KIFAP3: variants seen among roughly 807,000 people sequenced by gnomAD.
KIFAP3 encodes the protein kinesin associated protein 3.
KIFAP3 carries 68 observed loss-of-function variants against 106.5 expected under a neutral mutation model. That is an observed-to-expected ratio of 0.64 (90% CI 0.53 to 0.78). The LOEUF (loss-of-function observed/expected upper bound fraction) is 0.78. Among genes scored for constraint, KIFAP3 ranks in the 30% least tolerant of loss-of-function variants. The probability of loss-of-function intolerance (pLI) is 0.00; values close to 1 mark genes in which losing one functional copy is unlikely to be tolerated. For synonymous variants in KIFAP3, 320 were observed against 311.5 expected (o/e 1.03, Z -0.29); for missense variants, 780 against 941.8 (o/e 0.83, Z 2.25).
At chr1:170,079,765 A>G (rs1449746129) in intron 1 of KIFAP3, among the ~76,000 whole-genome samples, 1 of 151,416 alleles carries the variant, frequency 6.6e-6, no homozygotes, top group East Asian at 1.9e-4. Flanking sequence ...GTGGTTCCAT[A>G]TGGACTTCAG....
chr1:169,943,641 G>T (rs1365252725), intron 19 of KIFAP3, among the ~76,000 whole-genome samples: 1 of 151,986 alleles, frequency 6.6e-6, no homozygotes, highest in African/African-American at 2.4e-5. Flanking sequence ...AATCATTTTT[G>T]TTTTTTACAA....
intron 3 of KIFAP3, among the ~76,000 whole-genome samples, chr1:170,045,610 T>C (rs866669637): frequency 3.3e-5 from 5 of 152,376 alleles, no homozygotes; most frequent in African/African-American, 1.2e-4. Context: ...AAAGAAACTA[T>C]AGTATACCTG....
chr1:170,076,121 A>G (rs1356727704), upstream of KIFAP3, among the ~76,000 whole-genome samples: 1 of 152,200 alleles, frequency 6.6e-6, no homozygotes, highest in African/African-American at 2.4e-5. Flanking sequence ...AGCTCAGAGA[A>G]CTTATTTCGT....
At chr1:170,015,645 C>T (rs1668468596) in intron 10 of KIFAP3, among the ~76,000 whole-genome samples, 1 of 152,072 alleles carries the variant, frequency 6.6e-6, no homozygotes, top group Admixed American at 6.6e-5. Flanking sequence ...GCAGGTAAAA[C>T]AGGTAGACAG....
intron 3 of KIFAP3, 64 bp downstream of exon 3, chr1:170,046,648 C>T: frequency 2.4e-6 from 3 of 1,270,672 alleles, no homozygotes; most frequent in Admixed American, 2.9e-5. Context: ...TTTATAGTTG[C>T]TTGATGAACT....
At chr1:170,027,014 CTTTTTTT>C (rs71125222) in intron 8 of KIFAP3, among the ~76,000 whole-genome samples, 2 of 64,388 alleles carry the variant, frequency 3.1e-5, no homozygotes, top group South Asian at 5.9e-4. Flanking sequence ...TGTCTTGCTT[CTTTTTTT>C]TTTTTTTTTT....
intron 15 of KIFAP3, 146 bp from the exon 16 acceptor site, chr1:169,978,329 A>C (rs1666335234): frequency 1.8e-6 from 1 of 563,382 alleles, no homozygotes; most frequent in Non-Finnish European, 3.1e-6. Context: ...TATGTTCCTA[A>C]TGTAAAATAG....
rs924445921 is a variant in KIFAP3 at position 169,941,677 on chromosome 1, A to G, written c.2273+12334T>C. 3.9e-5 allele frequency among the ~76,000 whole-genome samples: 6 copies of G among 152,286 alleles called. No homozygotes were observed. In the East Asian group the frequency reaches 1.2e-3, roughly 29 times the overall value. ...AATATACAATAAAATATATTTATCA[A>G]TGACTATCACCCAAGATGGCCCCCT... On this transcript the variant is annotated intron_variant, in intron 19 of 19. Coordinates refer to ENST00000361580, the MANE Select transcript of KIFAP3 (RefSeq NM_014970.4).
chr1:169,992,096 A>G, intron 11 of KIFAP3, 59 bp downstream of exon 11: 4 of 761,242 alleles, frequency 5.3e-6, no homozygotes, highest in Middle Eastern at 4.2e-4. Context: ...ATCAAGAGAA[A>G]AGAGTAAAAA....
intron 17 of KIFAP3, among the ~76,000 whole-genome samples, chr1:169,965,802 T>C (rs1034505056): frequency 5.3e-5 from 8 of 151,934 alleles, no homozygotes; most frequent in African/African-American, 1.7e-4. Context: ...TAAAAAGAGA[T>C]TATCAAATCT....
chr1:170,016,138 TG>T (rs1472406416), intron 10 of KIFAP3, among the ~76,000 whole-genome samples: 2 of 152,216 alleles, frequency 1.3e-5, no homozygotes, highest in African/African-American at 2.4e-5. Context: ...ATACCTGCGT[TG>T]TTTTTTTTAA....
chr1:169,991,257 G>A (rs1667087930), intron 11 of KIFAP3, among the ~76,000 whole-genome samples: 3 of 152,002 alleles, frequency 2.0e-5, no homozygotes, highest in South Asian at 2.1e-4. Context: ...TGAGGCAGGA[G>A]GATTGCTTGA....
chr1:170,013,522 T>C (rs1165490741), intron 10 of KIFAP3, among the ~76,000 whole-genome samples: 1 of 150,550 alleles, frequency 6.6e-6, no homozygotes, highest in Admixed American at 6.6e-5. Flanking sequence ...ATGTATATTT[T>C]AGGTAATTGC....
At chr1:170,003,770 A>C (rs541603666) in intron 10 of KIFAP3, among the ~76,000 whole-genome samples, 2 of 152,206 alleles carry the variant, frequency 1.3e-5, no homozygotes, top group Non-Finnish European at 2.9e-5. Flanking sequence ...ATGGACAAAA[A>C]CTGGAAGCAT....
At chr1:169,993,614 G>T (rs12724932) in intron 10 of KIFAP3, among the ~76,000 whole-genome samples, 63,121 of 63,122 alleles carry the variant, frequency 1, 31,560 homozygotes, top group Non-Finnish European at 1. Context: ...CCAGGGTCTA[G>T]CAAGCTTCAG....
At chr1:169,984,470 T>C in intron 12 of KIFAP3, 112 bp downstream of exon 12, 1 of 476,674 alleles carries the variant, frequency 2.1e-6, no homozygotes, top group Non-Finnish European at 3.8e-6. Flanking sequence ...GAAGAAATTA[T>C]TTGAAAACAG....
rs1222340267 is a variant in KIFAP3 at position 170,038,509 on chromosome 1, A to G, written c.376-78T>C. On this transcript the variant is annotated intron_variant, in intron 4 of 19. Transcript: ENST00000361580. ...TCAAAGAAATGTTATTTTGTGATCAATATACTGGCCTTTATAACAACACAC... is the reference window on the plus strand; with the variant it reads ...TCAAAGAAATGTTATTTTGTGATCAGTATACTGGCCTTTATAACAACACAC... 4 of 1,395,060 alleles carry G rather than the reference A, an allele frequency of 2.9e-6. No homozygotes were observed. In the Admixed American group the frequency reaches 6.8e-5, roughly 24 times the overall value. 86.4% of individuals were successfully genotyped at this position (1,395,060 alleles called of 1,614,324 possible).
intron 3 of KIFAP3, among the ~76,000 whole-genome samples, chr1:170,046,229 A>AAAAAAAAAAAT (rs1670244868): frequency 6.9e-6 from 1 of 144,370 alleles, no homozygotes. Context: ...AAAAAAAAAA[A>AAAAAAAAAAAT]GGAAACAGAG....
At chr1:169,927,003 C>A (rs913809809) in intron 19 of KIFAP3, among the ~76,000 whole-genome samples, 4 of 152,098 alleles carry the variant, frequency 2.6e-5, no homozygotes, top group South Asian at 4.1e-4. Context: ...ATAGTTCATT[C>A]TTTTTATCAA....
Sources: allele counts gnomAD v4.1 joint callset (sites outside exome capture counted in the v4.1 genomes callset), GRCh38; gene constraint gnomAD v4.1.1; transcripts MANE v1.5; gene names NCBI Gene and HGNC (gene_info 2026-07-23, HGNC 2026-07-21).